TLK1: variants seen among roughly 807,000 people sequenced by gnomAD.
TLK1 encodes serine/threonine-protein kinase tousled-like 1.
A neutral mutation model predicts 105.3 loss-of-function variants in TLK1; 24 were observed. That is an observed-to-expected ratio of 0.23 (90% CI 0.17 to 0.32). The LOEUF (loss-of-function observed/expected upper bound fraction) is 0.32, where lower values mean the gene tolerates loss of function less well. Among genes scored for constraint, TLK1 ranks in the 10% least tolerant of loss-of-function variants. TLK1 has a pLI of 1.00. For synonymous variants in TLK1, 321 were observed against 310.4 expected, an observed-to-expected ratio of 1.03 and a Z score of -0.36; for missense variants, 558 against 910.5, an observed-to-expected ratio of 0.61 and a Z score of 4.98.
intron 19 of TLK1, 88 bp from the exon 20 acceptor site, chr2:170,996,848 C>A: frequency 1.8e-6 from 2 of 1,120,128 alleles, no homozygotes; most frequent in South Asian, 1.6e-5. Flanking sequence ...TTCCCAAAAC[C>A]GAAAATCCAA....
At chr2:171,167,912 T>G (rs1479171192) in intron 1 of TLK1, among the ~76,000 whole-genome samples, 1 of 152,110 alleles carries the variant, frequency 6.6e-6, no homozygotes, top group Non-Finnish European at 1.5e-5. Flanking sequence ...GAATCAATAG[T>G]GTACCTCTTA....
rs1206875998 is a variant in TLK1, at chr2:170,991,224, ATCT to A, written c.*2553_*2555del. 3.3e-5 allele frequency: 5 copies of A among 152,216 alleles called. No individual in the cohort carries two copies. Among genetic ancestry groups the A allele is most frequent in the Admixed American group, 3.3e-4 (5 of 15,282 alleles). 9.4% of individuals were successfully genotyped at this position (152,216 alleles called of 1,614,324 possible). A position where few individuals can be genotyped will look rare whatever the true frequency, so the allele number is the denominator to read the frequency against. Reference sequence around the variant, plus strand: ...TAATAAAAGAGAGGCCTTGGCTATCATCTTAGGGATGCAGGACATGCTTTAATT... The same window carrying A: ...TAATAAAAGAGAGGCCTTGGCTATCATAGGGATGCAGGACATGCTTTAATT... On this transcript the variant is annotated 3_prime_UTR_variant, in exon 21 of 21. Coordinates refer to ENST00000431350, the MANE Select transcript of TLK1 (RefSeq NM_012290.5).
At chr2:171,115,166 A>ATT (rs1158569803) in intron 2 of TLK1, among the ~76,000 whole-genome samples, 2 of 103,796 alleles carry the variant, frequency 1.9e-5, no homozygotes, top group East Asian at 2.0e-4. Context: ...TCTTTTAAGA[A>ATT]TTTCTTTCTT....
intron 1 of TLK1, among the ~76,000 whole-genome samples, chr2:171,179,815 C>T (rs773060611): frequency 2.0e-5 from 3 of 151,864 alleles, no homozygotes; most frequent in Non-Finnish European, 4.4e-5. Context: ...AAAATTAGGC[C>T]GGGCATGGTG....
intron 11 of TLK1, among the ~76,000 whole-genome samples, chr2:171,028,922 G>A (rs932418217): frequency 1.4e-5 from 2 of 147,366 alleles, no homozygotes; most frequent in Non-Finnish European, 3.0e-5. Context: ...ATTGCATTAT[G>A]TTAATTTGGA....
chr2:171,121,685 A>G (rs1401895100), intron 1 of TLK1, among the ~76,000 whole-genome samples: 2 of 152,184 alleles, frequency 1.3e-5, no homozygotes, highest in Admixed American at 6.5e-5. Context: ...TACTATGCCT[A>G]CTCTTTGACT....
At chr2:171,133,941 C>A (rs962137684) in intron 1 of TLK1, among the ~76,000 whole-genome samples, 5 of 152,004 alleles carry the variant, frequency 3.3e-5, no homozygotes, top group Admixed American at 3.3e-4. Context: ...TCAAGCAATC[C>A]TCCCACCTTC....
intron 2 of TLK1, among the ~76,000 whole-genome samples, chr2:171,112,038 G>A (rs184363774): frequency 0.011 from 1,688 of 152,176 alleles, 37 homozygotes; most frequent in African/African-American, 0.039. Flanking sequence ...TGCAACCTCC[G>A]CCTGCCGAGT....
intron 3 of TLK1, among the ~76,000 whole-genome samples, chr2:171,061,370 T>C (rs1687739850): frequency 1.3e-5 from 2 of 152,216 alleles, no homozygotes; most frequent in African/African-American, 4.8e-5. Flanking sequence ...CTTGTACATA[T>C]TATCTGATAT....
chr2:171,226,909 A>G (rs1016435643), intron 1 of TLK1, among the ~76,000 whole-genome samples: 3 of 152,210 alleles, frequency 2.0e-5, no homozygotes, highest in African/African-American at 7.2e-5. Flanking sequence ...GTCATCCTAG[A>G]ATACATTCTC....
chr2:171,115,467 C>A (rs1690381021), intron 2 of TLK1, among the ~76,000 whole-genome samples: 1 of 152,014 alleles, frequency 6.6e-6, no homozygotes, highest in Non-Finnish European at 1.5e-5. Flanking sequence ...GCAACCGTGC[C>A]CGGCCTTTTA....
chr2:171,195,641 C>T (rs1693259340), intron 1 of TLK1, among the ~76,000 whole-genome samples: 1 of 151,882 alleles, frequency 6.6e-6, no homozygotes, highest in South Asian at 2.1e-4. Context: ...AAATCATCAA[C>T]ACTGTTCATT....
rs1036101130 is a variant in TLK1, at chr2:171,213,507, T to C, written c.-6+17638A>G. Among the ~76,000 whole-genome samples, 6 of 151,648 alleles carry C rather than the reference T, an allele frequency of 4.0e-5. No individual in the cohort carries two copies. The East Asian group carries it at 9.7e-4, about 25-fold the overall frequency. On this transcript the variant is annotated intron_variant, in intron 1 of 20. Transcript: ENST00000521943. ...TATGAGCCACCATGCCAGGCCTATA[T>C]CTTTTTTTTAAAAAAAAAAATTTAT...
At chr2:171,226,821 G>T (rs922569092) in intron 1 of TLK1, among the ~76,000 whole-genome samples, 11 of 151,780 alleles carry the variant, frequency 7.2e-5, no homozygotes, top group Admixed American at 3.3e-4. Flanking sequence ...CAGCTAGAAT[G>T]AAACTACTCT....
At chr2:171,011,328 C>T (rs1449833936) in intron 14 of TLK1, 45 bp downstream of exon 14, 1 of 1,527,378 alleles carries the variant, frequency 6.5e-7, no homozygotes, top group Non-Finnish European at 9.0e-7. Context: ...ACTCCTATAT[C>T]CTTGCTACAT....
intron 12 of TLK1, among the ~76,000 whole-genome samples, chr2:171,020,318 G>A (rs1460674099): frequency 6.6e-6 from 1 of 151,688 alleles, no homozygotes; most frequent in East Asian, 2.0e-4. Context: ...GAGGTGGGTG[G>A]ATCATGAGGT....
intron 2 of TLK1, among the ~76,000 whole-genome samples, chr2:171,095,053 A>G (rs1031297831): frequency 5.3e-5 from 8 of 152,238 alleles, no homozygotes; most frequent in African/African-American, 1.9e-4. Context: ...ATAAATCTCA[A>G]AGGAAATTAG....
chr2:171,192,221 G>A (rs1247880438), intron 1 of TLK1, among the ~76,000 whole-genome samples: 6 of 152,024 alleles, frequency 3.9e-5, no homozygotes, highest in Admixed American at 6.6e-5. Flanking sequence ...GTCAGACGGG[G>A]TTTTGCCATG....
chr2:171,111,206 T>C lies in TLK1; in HGVS notation c.258+6533A>G, dbSNP rs544989477. ...GGAGGTTTTTAAAGTATTGTAACTA[T>C]ATACTAGTAAGTTTAAAAGCTTACA... On this transcript the variant is annotated intron_variant, in intron 2 of 20. Transcript: ENST00000431350. Among the ~76,000 whole-genome samples, 17 of 152,312 alleles carry C rather than the reference T, an allele frequency of 1.1e-4. 1 individual carries two copies. In the East Asian group the frequency reaches 2.9e-3, roughly 26 times the overall value.
Sources: allele counts gnomAD v4.1 joint callset (sites outside exome capture counted in the v4.1 genomes callset), GRCh38; gene constraint gnomAD v4.1.1; transcripts MANE v1.5; gene names NCBI Gene and HGNC (gene_info 2026-07-23, HGNC 2026-07-21).